The following TBC1D5 variants were observed in gnomAD, a reference collection of about 807,000 sequenced individuals.
TBC1D5 encodes the protein TBC1 domain family, member 5.
In TBC1D5, 75 loss-of-function variants were observed where a neutral mutation model predicts 100.3. The observed-to-expected ratio is 0.75, with a 90% confidence interval of 0.62 to 0.91. The LOEUF (loss-of-function observed/expected upper bound fraction) is 0.91. TBC1D5 is among the 40% of genes least tolerant of loss of function. TBC1D5 has a pLI of 0.00. For missense variants in TBC1D5, 910 were observed against 942.4 expected (o/e 0.97, Z 0.45); for synonymous variants, 323 against 325.6 (o/e 0.99, Z 0.09).
Position 17,493,142 on chromosome 3 carries a change from C to T in TBC1D5, c.97+15332G>A, listed in dbSNP as rs552601849. 2.6e-5 allele frequency among the ~76,000 whole-genome samples: 4 copies of T among 152,266 alleles called. No individual in the cohort carries two copies. The East Asian group carries it at 7.7e-4, about 29-fold the overall frequency. ...AGGCAAGCCTAATGGTGATGAATTC[C>T]CTCAGTATTTGCTTGTCTGAAAAGG... On this transcript the variant is annotated intron_variant, in intron 3 of 21. Transcript: ENST00000253692.
At chr3:17,335,361 C>T (rs1234469623) in intron 13 of TBC1D5, among the ~76,000 whole-genome samples, 1 of 152,034 alleles carries the variant, frequency 6.6e-6, no homozygotes, top group Non-Finnish European at 1.5e-5. Context: ...CTTTGCATTG[C>T]TACTTCCATA....
chr3:17,401,854 T>G (rs1260668896), intron 8 of TBC1D5, among the ~76,000 whole-genome samples: 1 of 152,170 alleles, frequency 6.6e-6, no homozygotes, highest in Non-Finnish European at 1.5e-5. Context: ...TGATTAACTA[T>G]ATACTTACTG....
At chr3:17,719,000 CAAT>C (rs1315715352) in intron 1 of TBC1D5, among the ~76,000 whole-genome samples, 1 of 152,094 alleles carries the variant, frequency 6.6e-6, no homozygotes, top group Admixed American at 6.5e-5. Flanking sequence ...TCAACAATAT[CAAT>C]AATTCCTTGG....
At chr3:17,381,632 A>G (rs1359353712) in intron 9 of TBC1D5, among the ~76,000 whole-genome samples, 2 of 152,002 alleles carry the variant, frequency 1.3e-5, no homozygotes, top group Non-Finnish European at 2.9e-5. Context: ...GTCTTCTGCT[A>G]TTTGCTCCCA....
chr3:17,382,819 T>C (rs1261437536), intron 9 of TBC1D5, among the ~76,000 whole-genome samples: 3 of 152,046 alleles, frequency 2.0e-5, no homozygotes, highest in Admixed American at 1.3e-4. Flanking sequence ...GCCTCAGCCT[T>C]ACAAAGTGCT....
rs148159311 is a variant in TBC1D5, at chr3:17,516,924, C to A, written c.-35-8319G>T. ...CTATTCCTTAAAAAAAAATACAGCT[C>A]ATTGTCTCTTTAGGTCTTCGCACAT... On this transcript the variant is annotated intron_variant, in intron 2 of 21. Coordinates refer to ENST00000253692, the Ensembl canonical transcript of TBC1D5. Among the ~76,000 whole-genome samples, 150 of 152,268 alleles carry A rather than the reference C, an allele frequency of 9.9e-4. 2 individuals carry two copies. In the South Asian group the frequency reaches 0.017, roughly 18 times the overall value.
intron 3 of TBC1D5, among the ~76,000 whole-genome samples, chr3:17,459,508 A>T (rs903259297): frequency 1.3e-5 from 2 of 152,182 alleles, no homozygotes; most frequent in Non-Finnish European, 2.9e-5. Flanking sequence ...TGTTATAGAG[A>T]ATACTTCAAA....
At chr3:17,254,769 G>T (rs1198545949) in intron 16 of TBC1D5, among the ~76,000 whole-genome samples, 2 of 104,106 alleles carry the variant, frequency 1.9e-5, no homozygotes, top group Non-Finnish European at 3.6e-5. Flanking sequence ...GCGGGGGTGG[G>T]GGGGGGGTCC....
intron 1 of TBC1D5, among the ~76,000 whole-genome samples, chr3:17,686,601 G>C (rs2070318466): frequency 6.6e-6 from 1 of 152,124 alleles, no homozygotes; most frequent in African/African-American, 2.4e-5. Flanking sequence ...CAGTGCCCAA[G>C]TGGCAGGAAA....
intron 9 of TBC1D5, among the ~76,000 whole-genome samples, chr3:17,378,201 T>C (rs2092787765): frequency 6.6e-6 from 1 of 151,846 alleles, no homozygotes; most frequent in East Asian, 1.9e-4. Context: ...CCAATAGATA[T>C]CCTTGTGATC....
chr3:17,322,813 G>A (rs1407517676), intron 13 of TBC1D5, among the ~76,000 whole-genome samples: 1 of 152,058 alleles, frequency 6.6e-6, no homozygotes, highest in Non-Finnish European at 1.5e-5. Context: ...ACACAGCAGT[G>A]GAAAAAATCT....
intron 13 of TBC1D5, among the ~76,000 whole-genome samples, chr3:17,315,855 C>A (rs527489376): frequency 6.6e-5 from 10 of 151,834 alleles, no homozygotes; most frequent in African/African-American, 2.4e-4. Context: ...GGGGGACGGG[C>A]GGGGGGAGGC....
chr3:17,530,785 C>G (rs112186736), intron 2 of TBC1D5, among the ~76,000 whole-genome samples: 2,058 of 152,190 alleles, frequency 0.014, 40 homozygotes, highest in African/African-American at 0.04. Context: ...ATTCAACAAC[C>G]CTTCATGCTA....
chr3:17,686,784 G>A (rs188489573), intron 1 of TBC1D5, among the ~76,000 whole-genome samples: 1 of 152,240 alleles, frequency 6.6e-6, no homozygotes, highest in Admixed American at 6.5e-5. Context: ...GCAATGCGTG[G>A]AGGCATTTTG....
intron 18 of TBC1D5, among the ~76,000 whole-genome samples, chr3:17,191,931 C>A (rs1160207195): frequency 6.6e-6 from 1 of 151,950 alleles, no homozygotes; most frequent in Admixed American, 6.6e-5. Context: ...ACTTATGCAA[C>A]CTTTAAAATG....
At chr3:17,400,862 G>A (rs948594595) in intron 8 of TBC1D5, among the ~76,000 whole-genome samples, 1 of 152,076 alleles carries the variant, frequency 6.6e-6, no homozygotes, top group Admixed American at 6.6e-5. Context: ...TGGACTCTTG[G>A]ACTTACACCA....
At chr3:17,450,506 C>T (rs2094900585) in intron 3 of TBC1D5, among the ~76,000 whole-genome samples, 2 of 152,106 alleles carry the variant, frequency 1.3e-5, no homozygotes, top group Non-Finnish European at 2.9e-5. Context: ...ACAGGAACTG[C>T]TAACTAGAAT....
chr3:17,289,964 G>T (rs529258505), intron 15 of TBC1D5, among the ~76,000 whole-genome samples: 1 of 152,296 alleles, frequency 6.6e-6, no homozygotes, highest in Non-Finnish European at 1.5e-5. Context: ...ATTTTGCAGG[G>T]TTAGCCATCT....
chr3:17,449,310 C>T (rs1262086897), intron 3 of TBC1D5, among the ~76,000 whole-genome samples: 1 of 152,186 alleles, frequency 6.6e-6, no homozygotes, highest in African/African-American at 2.4e-5. Context: ...AACTGGGCAG[C>T]CATTTGGGGC....
Sources: gnomAD v4.1 joint callset for allele counts (sites outside exome capture counted in the v4.1 genomes callset) on GRCh38, gnomAD v4.1.1 for gene constraint, MANE v1.5 for transcripts, NCBI Gene and HGNC (gene_info 2026-07-23, HGNC 2026-07-21) for gene names.